Variants in ZNF516 observed in about 807,000 individuals in gnomAD.
The protein encoded by ZNF516 is zinc finger protein 516.
ZNF516 carries 19 observed loss-of-function variants against 79.7 expected under a neutral mutation model. The ratio of observed to expected loss-of-function variants is 0.24; its 90% CI spans 0.17 to 0.35. The LOEUF is 0.35. Ranked by LOEUF, ZNF516 falls within the 10% of genes least tolerant of loss-of-function variation. The pLI is 1.00. For synonymous variants in ZNF516, 877 were observed against 739.5 expected (o/e 1.19, Z -3.02); for missense variants, 1,678 against 1,679.5 (o/e 1.00, Z 0.02).
chr18:76,395,613 C>T (rs2075134220), intron 3 of ZNF516, among the ~76,000 whole-genome samples: 1 of 152,052 alleles, frequency 6.6e-6, no homozygotes. Flanking sequence ...AACCCAGTTA[C>T]CAACCTCGAG....
rs1461971832 is a variant in ZNF516 at position 76,451,943 on chromosome 18, A to G, written c.-157-8732T>C. Among the ~76,000 whole-genome samples, 1 of 152,208 alleles carries G rather than the reference A, an allele frequency of 6.6e-6. No individual in the cohort carries two copies. The highest frequency in any genetic ancestry group is 2.4e-5 in the African/African-American group (1 of 41,440). On this transcript the variant is annotated intron_variant, in intron 2 of 6. Transcript: ENST00000443185. The surrounding 1 kb of genome is among the most constrained non-coding windows in gnomAD (Gnocchi z 6.0). ...AGACTGGGGTCCCGAAGAGCCCCAT[A>G]AAGTGATGCATTCACTATTGGGAGA... is the stretch of plus-strand genomic sequence containing the variant.
chr18:76,440,078 TTATC>T (rs1390165870), intron 3 of ZNF516, among the ~76,000 whole-genome samples: 1 of 152,234 alleles, frequency 6.6e-6, no homozygotes, highest in Non-Finnish European at 1.5e-5. Flanking sequence ...GAAAAGTCAT[TTATC>T]TATGTATACA....
rs551437102 is a variant in ZNF516, at chr18:76,475,759, C to G, written c.-271-12618G>C. Reference sequence around the variant, plus strand: ...GAGGGTGTGTACACACAACAGCACCCTACACATGCCTTAAAGCAAATACAC... The same window carrying G: ...GAGGGTGTGTACACACAACAGCACCGTACACATGCCTTAAAGCAAATACAC... On this transcript the variant is annotated intron_variant, in intron 1 of 6. Transcript: ENST00000443185. 5.9e-5 allele frequency among the ~76,000 whole-genome samples: 9 copies of G among 152,184 alleles called. No individual in the cohort carries two copies. In the South Asian group the frequency reaches 1.9e-3, roughly 32 times the overall value.
chr18:76,490,278 A>C, intron 1 of ZNF516: 2 of 841,640 alleles, frequency 2.4e-6, no homozygotes, highest in Non-Finnish European at 2.9e-6. Flanking sequence ...TTCACTCTCC[A>C]ATTTTACTAA....
chr18:76,373,210 A>T (rs534478301), intron 4 of ZNF516, among the ~76,000 whole-genome samples: 19 of 149,950 alleles, frequency 1.3e-4, no homozygotes, highest in African/African-American at 4.6e-4. Flanking sequence ...AGAAGCAAAG[A>T]GAAGAAGAAA....
rs1272536779 is a variant in ZNF516, at chr18:76,493,657, G to C, written c.-272+1487C>G. 6.6e-6 allele frequency: 1 copy of C among 152,118 alleles called. No individual in the cohort carries two copies. The allele number at this position is 152,118 out of a possible 1,614,324, so 9.4% of individuals were successfully genotyped here. A position where few individuals can be genotyped will look rare whatever the true frequency, so the allele number is the denominator to read the frequency against. ...TTAAAAATAACATCTTTTCCAAAAAGACCTGACGTCACAATTCACTCCCTG... is the reference window on the plus strand; with the variant it reads ...TTAAAAATAACATCTTTTCCAAAAACACCTGACGTCACAATTCACTCCCTG... On this transcript the variant is annotated intron_variant, in intron 1 of 6. Transcript: ENST00000443185. This position sits in a 1 kb window ranked among gnomAD's most constrained non-coding sequence, Gnocchi z 5.2.
intron 3 of ZNF516, among the ~76,000 whole-genome samples, chr18:76,415,861 G>C (rs1230002276): frequency 6.6e-6 from 1 of 152,190 alleles, no homozygotes; most frequent in Non-Finnish European, 1.5e-5. Flanking sequence ...TTAACAATGT[G>C]TATCTTCGAA....
chr18:76,434,446 C>T (rs2075703447), intron 3 of ZNF516, among the ~76,000 whole-genome samples: 2 of 152,214 alleles, frequency 1.3e-5, no homozygotes, highest in Non-Finnish European at 2.9e-5. Flanking sequence ...AGGCTGAAAA[C>T]TGTTCCATCC....
In ZNF516 at chr18:76,360,800, T is replaced by C. The variant is rs527530196; in HGVS notation, c.*1698A>G. The stretch of plus-strand genomic sequence containing the variant: ...ACATTACTAATAACAATAACAATAA[T>C]AATAATAATAATAATAATAATATAA... On this transcript the variant is annotated 3_prime_UTR_variant, in exon 7 of 7. Transcript: ENST00000443185. The C allele has an allele frequency of 1.4e-4, 17 of 122,822 alleles. No individual in the cohort carries two copies. The highest frequency in any genetic ancestry group is 2.0e-4 in the East Asian group (1 of 5,048). 7.6% of individuals were successfully genotyped at this position (122,822 alleles called of 1,614,324 possible).
rs118032065 is a variant in ZNF516 at position 76,408,720 on chromosome 18, G to A, written c.1811-28417C>T. ...CACGTGAATGTTTGCATAGTGACAC[G>A]TTTGTGTTCGCTCGCTAATTCACAG... On this transcript the variant is annotated intron_variant, in intron 3 of 6. Coordinates refer to ENST00000443185, the MANE Select transcript of ZNF516 (RefSeq NM_014643.4). Among the ~76,000 whole-genome samples, 226 of 152,328 alleles carry A rather than the reference G, an allele frequency of 1.5e-3. 1 individual carries two copies. The highest frequency in any genetic ancestry group is 2.3e-3 in the Non-Finnish European group (159 of 68,030).
At chr18:76,449,685 A>T (rs1200546298) in intron 2 of ZNF516, among the ~76,000 whole-genome samples, 1 of 152,286 alleles carries the variant, frequency 6.6e-6, no homozygotes, top group African/African-American at 2.4e-5. Flanking sequence ...TACACTGTAA[A>T]TCTTCAATCC....
At chr18:76,453,580 TG>T (rs1464791404) in intron 2 of ZNF516, among the ~76,000 whole-genome samples, 6 of 152,120 alleles carry the variant, frequency 3.9e-5, no homozygotes, top group African/African-American at 1.4e-4. Flanking sequence ...AAAACAAATA[TG>T]GAAAATCAGA....
At position 76,493,655 on chromosome 18, in the gene ZNF516, A is replaced by G. The variant is rs1261168761; in HGVS notation, c.-272+1489T>C. ...CCTTAAAAATAACATCTTTTCCAAA[A>G]AGACCTGACGTCACAATTCACTCCC... On this transcript the variant is annotated intron_variant, in intron 1 of 6. Transcript: ENST00000443185. This position sits in a 1 kb window ranked among gnomAD's most constrained non-coding sequence, Gnocchi z 5.2. 2 of 152,312 alleles carry G rather than the reference A, an allele frequency of 1.3e-5. No homozygotes were observed. Among genetic ancestry groups the G allele is most frequent in the East Asian group, 3.9e-4 (2 of 5,186 alleles). 9.4% of individuals were successfully genotyped at this position (152,312 alleles called of 1,614,324 possible).
intron 3 of ZNF516, among the ~76,000 whole-genome samples, chr18:76,383,767 G>A (rs1182287886): frequency 6.6e-6 from 1 of 152,242 alleles, no homozygotes; most frequent in African/African-American, 2.4e-5. Context: ...CTCAGGCCTT[G>A]GTGTACAGAG....
chr18:76,368,054 C>T (rs1246464978), intron 6 of ZNF516, among the ~76,000 whole-genome samples: 2 of 152,104 alleles, frequency 1.3e-5, no homozygotes, highest in Admixed American at 6.5e-5. Flanking sequence ...TAGCAAAGCA[C>T]GCTAAACATG....
chr18:76,428,853 G>T (rs542506449), intron 3 of ZNF516, among the ~76,000 whole-genome samples: 1 of 152,268 alleles, frequency 6.6e-6, no homozygotes, highest in Non-Finnish European at 1.5e-5. Flanking sequence ...GTTCACAAAA[G>T]ATGTGTGGAT....
In ZNF516 at chr18:76,370,534, G is replaced by C; in HGVS notation, c.3426C>G (p.Pro1142=). The change falls in exon 6 of 7, where the codon CCC becomes CCG. Residue 1142 remains proline, a synonymous_variant. Coordinates refer to ENST00000443185, the MANE Select transcript of ZNF516 (RefSeq NM_014643.4). ...SEVHTTSADA[P]KQGRDHSNTG... is the part of the protein sequence containing the mutation. ...AATTCATCATGAGACCTACTTGTTT[G>C]GGGGCGTCTGCGGAGGTGGTATGAA... The C allele has an allele frequency of 6.2e-7, 1 of 1,606,600 alleles. No homozygotes were observed. Among genetic ancestry groups the C allele is most frequent in the Non-Finnish European group, 8.5e-7 (1 of 1,176,144 alleles).
In ZNF516 at chr18:76,442,852, T is replaced by C; in HGVS notation, c.203A>G (p.Asp68Gly). The C allele has an allele frequency of 6.2e-7, 1 of 1,613,496 alleles. No homozygotes were observed. Among genetic ancestry groups the C allele is most frequent in the Non-Finnish European group, 8.5e-7 (1 of 1,179,708 alleles). ...GTTGCCCTTCTGGGAAGCCCGGTGG[T>C]CGCAGTAGGGACACTTGTAGGGCTT... ...GEKPYKCPYC[D>G]HRASQKGNLK... Residue 68 changes from aspartate (D) to glycine (G), a missense_variant, in exon 3 of 7, where the codon GAC becomes GGC. Asp to Gly is a moderately conservative substitution (Grantham distance 94). Around this residue, in one of 5 missense-constraint regions of ZNF516, gnomAD observed 26 missense variants for 66.4 expected, o/e 0.39. Coordinates refer to ENST00000443185, the MANE Select transcript of ZNF516 (RefSeq NM_014643.4).
At position 76,379,131 on chromosome 18, in the gene ZNF516, G is replaced by A. The variant is rs779004946; in HGVS notation, c.2983C>T (p.Pro995Ser). Residue 995 changes from proline (P) to serine (S), a missense_variant, in exon 4 of 7, where the codon CCT (proline) becomes TCT (serine). By Grantham distance (74) the Pro-to-Ser change is moderately conservative (BLOSUM62 -1). Transcript: ENST00000443185. Reference sequence around the variant, plus strand: ...GGGGGCTCGCGGGGAGGTAGAGGAGGAGCGCCCCCTTCGCCCTTTGCAGGA... The same window carrying A: ...GGGGGCTCGCGGGGAGGTAGAGGAGAAGCGCCCCCTTCGCCCTTTGCAGGA... Reference protein sequence around the residue: ...PPPAKGEGGAPPLPPREPPSK... With the variant: ...PPPAKGEGGASPLPPREPPSK... 1.2e-6 allele frequency: 2 copies of A among 1,612,678 alleles called. No individual in the cohort carries two copies. The highest frequency in any genetic ancestry group is 1.1e-5 in the South Asian group (1 of 91,086).
Sources: allele counts gnomAD v4.1 joint callset (sites outside exome capture counted in the v4.1 genomes callset), GRCh38; gene constraint gnomAD v4.1.1; regional missense constraint gnomAD v4.1.1; non-coding constraint Gnocchi (gnomAD v3.1); transcripts MANE v1.5; gene names NCBI Gene and HGNC (gene_info 2026-07-23, HGNC 2026-07-21).